TMEFF1: variants seen among roughly 807,000 people sequenced by gnomAD.
TMEFF1 encodes tomoregulin-1.
A neutral mutation model predicts 47.5 loss-of-function variants in TMEFF1; 20 were observed. The observed-to-expected ratio is 0.42, with a 90% CI of 0.30 to 0.61. TMEFF1 has a LOEUF of 0.61. Ranked by LOEUF, TMEFF1 falls within the 20% of genes least tolerant of loss-of-function variation. The probability of loss-of-function intolerance (pLI) is 0.19; values close to 1 mark genes in which losing one functional copy is unlikely to be tolerated. For synonymous variants in TMEFF1, 162 were observed against 166.3 expected (o/e 0.97, Z 0.20); for missense variants, 411 against 471.1 (o/e 0.87, Z 1.18).
intron 5 of TMEFF1, among the ~76,000 whole-genome samples, chr9:100,547,138 T>A (rs1838749248): frequency 6.6e-6 from 1 of 152,036 alleles, no homozygotes; most frequent in East Asian, 1.9e-4. Flanking sequence ...GCCTCAGCCT[T>A]CCAAGTAGTG....
chr9:100,527,988 C>T (rs540645512), intron 5 of TMEFF1, among the ~76,000 whole-genome samples: 120 of 152,212 alleles, frequency 7.9e-4, no homozygotes, highest in Admixed American at 2.0e-3. Context: ...CACACTGACA[C>T]CTCACACGGC....
rs769720513 is a variant in TMEFF1 at position 100,534,936 on chromosome 9, G to A, written c.561-12808G>A. Among the ~76,000 whole-genome samples the A allele has an allele frequency of 6.9e-4, 105 of 152,116 alleles. 1 individual carries two copies. The highest frequency in any genetic ancestry group is 1.1e-3 in the Non-Finnish European group (78 of 68,022). On this transcript the variant is annotated intron_variant, in intron 5 of 9. Transcript: ENST00000374879. The stretch of plus-strand genomic sequence containing the variant: ...CCACTTTTATCCTTTAGGTCAGGGT[G>A]GGCAAAATTTTTTTGTAAAGGGCTA...
intron 1 of TMEFF1, among the ~76,000 whole-genome samples, chr9:100,485,328 G>A (rs1837428940): frequency 6.6e-6 from 1 of 152,096 alleles, no homozygotes; most frequent in Non-Finnish European, 1.5e-5. Flanking sequence ...ATTCCACCTA[G>A]GAGTGGAATT....
chr9:100,525,091 T>C (rs1332630632), intron 5 of TMEFF1, among the ~76,000 whole-genome samples: 5 of 152,292 alleles, frequency 3.3e-5, no homozygotes, highest in African/African-American at 4.8e-5. Flanking sequence ...AACTATTTCA[T>C]TGTGGACTGA....
chr9:100,491,541 A>C (rs1319569684), intron 1 of TMEFF1, among the ~76,000 whole-genome samples: 3 of 152,222 alleles, frequency 2.0e-5, no homozygotes, highest in Non-Finnish European at 1.5e-5. Flanking sequence ...GAAGACTGGA[A>C]ATAGCACTAG....
intron 7 of TMEFF1, among the ~76,000 whole-genome samples, chr9:100,559,727 T>A (rs1359854713): frequency 6.6e-6 from 1 of 152,132 alleles, no homozygotes; most frequent in Non-Finnish European, 1.5e-5. Flanking sequence ...TTCAGTTCCC[T>A]CAGAGAGAAG....
intron 5 of TMEFF1, chr9:100,518,406 C>G (rs1217688533): frequency 1.0e-6 from 1 of 983,490 alleles, no homozygotes; most frequent in East Asian, 1.1e-4. Flanking sequence ...AGCTTGCCAC[C>G]ACTATTGTTG....
chr9:100,490,847 G>GTA (rs1253976557), intron 1 of TMEFF1, among the ~76,000 whole-genome samples: 7 of 150,004 alleles, frequency 4.7e-5, no homozygotes, highest in Admixed American at 1.3e-4. Flanking sequence ...GTGTGTGTGT[G>GTA]TGTGTGTGTG....
chr9:100,540,165 A>G (rs1838602085), intron 5 of TMEFF1, among the ~76,000 whole-genome samples: 1 of 152,040 alleles, frequency 6.6e-6, no homozygotes, highest in African/African-American at 2.4e-5. Flanking sequence ...CTTTAGCTGG[A>G]CATAAAAGTT....
intron 1 of TMEFF1, among the ~76,000 whole-genome samples, chr9:100,492,683 G>A (rs1171143781): frequency 6.6e-6 from 1 of 152,134 alleles, no homozygotes; most frequent in East Asian, 1.9e-4. Flanking sequence ...AAATTGGGGG[G>A]ATAATGAAGA....
intron 1 of TMEFF1, among the ~76,000 whole-genome samples, chr9:100,474,524 C>T (rs965866815): frequency 2.0e-5 from 3 of 151,884 alleles, no homozygotes; most frequent in Non-Finnish European, 2.9e-5. Flanking sequence ...GGGATGGGTG[C>T]CCTATAGCGA....
intron 2 of TMEFF1, among the ~76,000 whole-genome samples, chr9:100,499,278 G>T (rs184312795): frequency 3.5e-4 from 53 of 152,206 alleles, no homozygotes; most frequent in Admixed American, 7.9e-4. Flanking sequence ...TCAGGCCACA[G>T]AACTTGACTG....
intron 5 of TMEFF1, among the ~76,000 whole-genome samples, chr9:100,523,935 C>G (rs1476657749): frequency 2.6e-5 from 4 of 152,080 alleles, no homozygotes; most frequent in African/African-American, 9.7e-5. Context: ...TTTATGCATT[C>G]ATTTATGTAT....
chr9:100,512,697 C>CT (rs1407420519), intron 3 of TMEFF1, among the ~76,000 whole-genome samples: 1 of 152,130 alleles, frequency 6.6e-6, no homozygotes, highest in Non-Finnish European at 1.5e-5. Flanking sequence ...GATGAAGGCT[C>CT]TTTTTAATTT....
intron 3 of TMEFF1, among the ~76,000 whole-genome samples, chr9:100,510,476 T>C (rs1440445842): frequency 6.6e-6 from 1 of 152,046 alleles, no homozygotes; most frequent in Non-Finnish European, 1.5e-5. Flanking sequence ...GTGTTCATAG[T>C]TTTTTCTTTA....
intron 1 of TMEFF1, among the ~76,000 whole-genome samples, chr9:100,481,941 C>T (rs1402581416): frequency 1.3e-5 from 2 of 151,814 alleles, no homozygotes; most frequent in Non-Finnish European, 2.9e-5. Context: ...ACCACTACGC[C>T]CAGCTAATTT....
At chr9:100,501,069 T>G (rs1324877702) in intron 2 of TMEFF1, among the ~76,000 whole-genome samples, 1 of 152,214 alleles carries the variant, frequency 6.6e-6, no homozygotes, top group African/African-American at 2.4e-5. Flanking sequence ...TCTCACTTTT[T>G]AGTGGCTGTG....
intron 5 of TMEFF1, among the ~76,000 whole-genome samples, chr9:100,525,805 C>T (rs1587836833): frequency 6.6e-6 from 1 of 152,192 alleles, no homozygotes; most frequent in Non-Finnish European, 1.5e-5. Flanking sequence ...AAGAACTCTC[C>T]TATCACTCAA....
intron 7 of TMEFF1, among the ~76,000 whole-genome samples, chr9:100,560,282 T>C (rs1564027717): frequency 6.6e-6 from 1 of 152,162 alleles, no homozygotes; most frequent in Non-Finnish European, 1.5e-5. Flanking sequence ...GAAGTATAGG[T>C]CCTATTATTC....
Sources: gnomAD v4.1 joint callset for allele counts (sites outside exome capture counted in the v4.1 genomes callset) on GRCh38, gnomAD v4.1.1 for gene constraint, MANE v1.5 for transcripts, NCBI Gene and HGNC (gene_info 2026-07-23, HGNC 2026-07-21) for gene names.